UGT1A10: variants seen among roughly 807,000 people sequenced by gnomAD.
UGT1A10 encodes UDP glucuronosyltransferase family 1 member A10, also known as UDP-glucuronosyltransferase 1A10.
Under a neutral mutation model 45.8 loss-of-function variants are expected in UGT1A10, and 49 were observed. That is an observed-to-expected ratio of 1.07 (90% CI 0.85 to 1.36). UGT1A10 has a LOEUF of 1.36. Among genes scored for constraint, UGT1A10 ranks in the 40% most tolerant of loss-of-function variants. UGT1A10 has a pLI of 0.00. For synonymous variants in UGT1A10, 284 were observed against 249.7 expected, an observed-to-expected ratio of 1.14 and a Z score of -1.29; for missense variants, 745 against 668.6, an observed-to-expected ratio of 1.11 and a Z score of -1.26.
intron 1 of UGT1A10, among the ~76,000 whole-genome samples, chr2:233,746,084 A>T (rs555344502): frequency 1.2e-4 from 18 of 151,976 alleles, no homozygotes; most frequent in Admixed American, 1.2e-3. Context: ...AGTCACTTCT[A>T]TACAGAAACA....
At chr2:233,643,955 C>T (rs961910605) in intron 1 of UGT1A10, among the ~76,000 whole-genome samples, 6 of 152,266 alleles carry the variant, frequency 3.9e-5, no homozygotes, top group Admixed American at 3.9e-4. Flanking sequence ...TTTTCCCTCT[C>T]CTCTCCTCAA....
At chr2:233,742,273 A>C (rs1691925901) in intron 1 of UGT1A10, among the ~76,000 whole-genome samples, 1 of 151,986 alleles carries the variant, frequency 6.6e-6, no homozygotes, top group Non-Finnish European at 1.5e-5. Context: ...AGCCTGTGAT[A>C]AGCATCATTT....
At chr2:233,736,342 C>T (rs549805148) in intron 1 of UGT1A10, among the ~76,000 whole-genome samples, 123 of 152,282 alleles carry the variant, frequency 8.1e-4, no homozygotes, top group Admixed American at 3.1e-3. Flanking sequence ...AGTTCTTGTG[C>T]CATGGTTTTC....
At chr2:233,772,231 C>G (rs2126066106) in intron 4 of UGT1A10, 31 bp from the exon 5 acceptor site, 1 of 1,613,718 alleles carries the variant, frequency 6.2e-7, no homozygotes, top group Non-Finnish European at 8.5e-7. Context: ...CACAGGTGTT[C>G]CAGGCATAAC....
chr2:233,640,121 C>G (rs1471833700), intron 1 of UGT1A10, among the ~76,000 whole-genome samples: 2 of 152,148 alleles, frequency 1.3e-5, no homozygotes, highest in African/African-American at 4.8e-5. Context: ...GTCCAAGATC[C>G]AAATTCAAAG....
intron 1 of UGT1A10, among the ~76,000 whole-genome samples, chr2:233,757,216 G>A (rs1430883014): frequency 6.9e-6 from 1 of 145,650 alleles, no homozygotes; most frequent in Non-Finnish European, 1.5e-5. Context: ...GGAAGCTGCT[G>A]ACCAAGGTTC....
intron 1 of UGT1A10, among the ~76,000 whole-genome samples, chr2:233,665,302 T>C (rs560856399): frequency 6.6e-6 from 1 of 152,340 alleles, no homozygotes; most frequent in South Asian, 2.1e-4. Context: ...TTTTCCAAAT[T>C]TGTCTTTTTG....
At chr2:233,672,400 A>G in intron 1 of UGT1A10, 1 of 1,614,040 alleles carries the variant, frequency 6.2e-7, no homozygotes, top group Non-Finnish European at 8.5e-7. Flanking sequence ...CTGTGGCTTA[A>G]TTGTTGCCAA....
intron 1 of UGT1A10, chr2:233,730,017 A>G (rs1485743576): frequency 6.2e-7 from 1 of 1,613,756 alleles, no homozygotes; most frequent in South Asian, 1.1e-5. Flanking sequence ...CCTTCATCCA[A>G]TCAATGTTCC....
chr2:233,729,069 G>A (rs983244934), intron 1 of UGT1A10: 166 of 1,611,318 alleles, frequency 1.0e-4, no homozygotes, highest in Non-Finnish European at 1.2e-4. Flanking sequence ...GATGAAGAAA[G>A]CAAATGTAGC....
rs1002447306 is a variant in UGT1A10, at chr2:233,707,136, C to T, written c.856-59898C>T. On this transcript the variant is annotated intron_variant, in intron 1 of 4. Transcript: ENST00000344644. ...ATACTCTGCATTAGGCTTTCTATCCCGGAGGTCACTGCAGTTTATCAGCAC... is the reference window on the plus strand; with the variant it reads ...ATACTCTGCATTAGGCTTTCTATCCTGGAGGTCACTGCAGTTTATCAGCAC... Among the ~76,000 whole-genome samples the T allele has an allele frequency of 3.3e-5, 5 of 152,108 alleles. No homozygotes were observed. The South Asian group carries it at 6.2e-4, about 19-fold the overall frequency.
At chr2:233,720,871 A>ACT (rs2076900634) in intron 1 of UGT1A10, among the ~76,000 whole-genome samples, 1 of 132,772 alleles carries the variant, frequency 7.5e-6, no homozygotes, top group Non-Finnish European at 1.6e-5. Context: ...GCTCCTGGCA[A>ACT]TTTTTTTTTT....
intron 1 of UGT1A10, chr2:233,691,161 T>G: frequency 4.1e-6 from 4 of 985,750 alleles, no homozygotes; most frequent in Non-Finnish European, 4.8e-6. Flanking sequence ...GAAGGAAACC[T>G]GCCTAATGTC....
intron 1 of UGT1A10, among the ~76,000 whole-genome samples, chr2:233,695,701 C>A (rs2075303342): frequency 6.6e-6 from 1 of 152,146 alleles, no homozygotes; most frequent in Non-Finnish European, 1.5e-5. Flanking sequence ...GATTATTTCA[C>A]CTAACATAAT....
chr2:233,663,955 C>T (rs2074026189), intron 1 of UGT1A10, among the ~76,000 whole-genome samples: 1 of 152,158 alleles, frequency 6.6e-6, no homozygotes, highest in South Asian at 2.1e-4. Flanking sequence ...TTTGTCCTTG[C>T]ATCTAAGTGT....
chr2:233,661,623 T>TTTTTC, intron 1 of UGT1A10, among the ~76,000 whole-genome samples: 1 of 124,046 alleles, frequency 8.1e-6, no homozygotes, highest in Non-Finnish European at 1.7e-5. Context: ...ACTTACTGAA[T>TTTTTC]TTTCTTTCTT....
At chr2:233,674,042 G>T (rs2074271544) in intron 1 of UGT1A10, among the ~76,000 whole-genome samples, 1 of 152,182 alleles carries the variant, frequency 6.6e-6, no homozygotes, top group South Asian at 2.1e-4. Context: ...CAAATGTGTA[G>T]TTGGCTGAAT....
At chr2:233,672,253 T>G in intron 1 of UGT1A10, 1 of 1,614,200 alleles carries the variant, frequency 6.2e-7, no homozygotes, top group Non-Finnish European at 8.5e-7. Flanking sequence ...AAGTATATAT[T>G]CTCTATTAAT....
intron 1 of UGT1A10, among the ~76,000 whole-genome samples, chr2:233,702,495 G>A (rs755245410): frequency 2.6e-5 from 4 of 152,000 alleles, no homozygotes; most frequent in Non-Finnish European, 5.9e-5. Flanking sequence ...CTCTAGTACC[G>A]TGTTGAATAG....
Sources: gnomAD v4.1 joint callset for allele counts (sites outside exome capture counted in the v4.1 genomes callset) on GRCh38, gnomAD v4.1.1 for gene constraint, MANE v1.5 for transcripts, NCBI Gene and HGNC (gene_info 2026-07-23, HGNC 2026-07-21) for gene names.